Variants in CSMD3 observed in about 807,000 individuals in gnomAD.
CSMD3 encodes CUB and Sushi multiple domains 3.
In CSMD3, 177 loss-of-function variants were observed where a neutral mutation model predicts 435.2. The ratio of observed to expected loss-of-function variants is 0.41; its 90% CI spans 0.36 to 0.46. CSMD3 has a LOEUF of 0.46. Among genes scored for constraint, CSMD3 ranks in the 20% least tolerant of loss-of-function variants. The pLI is 0.34. For missense variants in CSMD3, 4,265 were observed against 4,504.6 expected (o/e 0.95, Z 1.52); for synonymous variants, 1,656 against 1,520.5 (o/e 1.09, Z -2.07).
rs149069933 is a variant in CSMD3, at chr8:112,965,395, T to C, written c.1342+10442A>G. On this transcript the variant is annotated intron_variant, in intron 7 of 70. Transcript: ENST00000297405. ...TACTCATTCTATTAAAAATGAGATA[T>C]AGTGTGTTAATATAAAAATAAGCTA... is the stretch of plus-strand genomic sequence containing the variant. Among the ~76,000 whole-genome samples, 59 of 152,018 alleles carry C rather than the reference T, an allele frequency of 3.9e-4. No homozygotes were observed. In the South Asian group the frequency reaches 6.6e-3, roughly 17 times the overall value.
intron 10 of CSMD3, among the ~76,000 whole-genome samples, chr8:112,904,918 A>T (rs2082215045): frequency 6.6e-6 from 1 of 151,452 alleles, no homozygotes. Context: ...TTGTTCTGCA[A>T]GTTGAGTCTG....
At chr8:112,316,681 A>G (rs186826838) in intron 47 of CSMD3, among the ~76,000 whole-genome samples, 350 of 151,952 alleles carry the variant, frequency 2.3e-3, no homozygotes, top group Non-Finnish European at 3.2e-3. Context: ...TTTTATCCCC[A>G]TTGTACATAT....
At chr8:112,941,892 A>G (rs1182317137) in intron 9 of CSMD3, among the ~76,000 whole-genome samples, 1 of 151,710 alleles carries the variant, frequency 6.6e-6, no homozygotes. Flanking sequence ...TTCTCCCATT[A>G]TTAATATTTT....
At chr8:112,889,519 A>G (rs2130309742) in intron 10 of CSMD3, among the ~76,000 whole-genome samples, 1 of 151,818 alleles carries the variant, frequency 6.6e-6, no homozygotes, top group South Asian at 2.1e-4. Flanking sequence ...AAGCTGCCCA[A>G]GTATTTCCAG....
chr8:112,728,330 T>C (rs1587098587), intron 13 of CSMD3, among the ~76,000 whole-genome samples: 2 of 151,980 alleles, frequency 1.3e-5, no homozygotes, highest in Admixed American at 1.3e-4. Context: ...GTAATTTATA[T>C]GCTTATAATT....
At chr8:112,465,801 C>G (rs913049807) in intron 32 of CSMD3, among the ~76,000 whole-genome samples, 1 of 151,910 alleles carries the variant, frequency 6.6e-6, no homozygotes, top group African/African-American at 2.4e-5. Context: ...ATGGTGAAAC[C>G]TCATCTCTAC....
intron 1 of CSMD3, among the ~76,000 whole-genome samples, chr8:113,343,487 C>G (rs1173997077): frequency 2.0e-5 from 3 of 151,968 alleles, no homozygotes; most frequent in Non-Finnish European, 4.4e-5. Flanking sequence ...ACTTGTAGTC[C>G]AGTGTCAAAC....
Position 112,722,551 on chromosome 8 carries a change from G to C in CSMD3, c.1973-32501C>G, listed in dbSNP as rs973333257. On this transcript the variant is annotated intron_variant, in intron 13 of 70. Coordinates refer to ENST00000297405, the MANE Select transcript of CSMD3 (RefSeq NM_198123.2). ...AATAAAGATGTGTTTCTGTGTGCAT[G>C]CACACGAGCCTGTGTGTGCGTTAGC... Among the ~76,000 whole-genome samples, 6 of 152,120 alleles carry C rather than the reference G, an allele frequency of 3.9e-5. No homozygotes were observed. The East Asian group carries it at 1.2e-3, about 29-fold the overall frequency.
intron 13 of CSMD3, among the ~76,000 whole-genome samples, chr8:112,786,740 CTTT>C (rs780390181): frequency 6.6e-6 from 1 of 151,942 alleles, no homozygotes; most frequent in African/African-American, 2.4e-5. Context: ...ATAAAAAAGA[CTTT>C]TTTTATTATT....
chr8:112,279,456 G>T (rs1320552936), intron 59 of CSMD3, among the ~76,000 whole-genome samples: 2 of 152,108 alleles, frequency 1.3e-5, no homozygotes, highest in African/African-American at 4.8e-5. Context: ...CGGACATTTT[G>T]AACCAATTAG....
chr8:112,932,573 G>A (rs2083146934), intron 9 of CSMD3, among the ~76,000 whole-genome samples: 1 of 152,066 alleles, frequency 6.6e-6, no homozygotes, highest in Non-Finnish European at 1.5e-5. Flanking sequence ...AGAAGGCGGA[G>A]CTCGCAGTGA....
intron 10 of CSMD3, among the ~76,000 whole-genome samples, chr8:112,896,237 C>T (rs890489978): frequency 6.6e-6 from 1 of 151,232 alleles, no homozygotes; most frequent in Non-Finnish European, 1.5e-5. Context: ...GTGTTCTGGC[C>T]ACAACTCTAA....
intron 22 of CSMD3, among the ~76,000 whole-genome samples, chr8:112,631,041 A>T (rs868343046): frequency 6.6e-6 from 1 of 152,040 alleles, no homozygotes; most frequent in South Asian, 2.1e-4. Flanking sequence ...TAATAAATAC[A>T]TTATGAGTTT....
At chr8:112,361,481 T>TTA (rs1437021841) in intron 38 of CSMD3, among the ~76,000 whole-genome samples, 1 of 150,340 alleles carries the variant, frequency 6.7e-6, no homozygotes, top group Non-Finnish European at 1.5e-5. Flanking sequence ...AATCAATCTG[T>TTA]ATCAGAAATG....
chr8:113,131,562 T>C (rs1312660836), intron 4 of CSMD3, among the ~76,000 whole-genome samples: 1 of 151,986 alleles, frequency 6.6e-6, no homozygotes, highest in East Asian at 1.9e-4. Context: ...ACAGGATGTA[T>C]GGAAACACCT....
intron 5 of CSMD3, among the ~76,000 whole-genome samples, chr8:113,076,635 A>C (rs2131430571): frequency 6.6e-6 from 1 of 152,230 alleles, no homozygotes; most frequent in South Asian, 2.1e-4. Flanking sequence ...TCTTCATAAA[A>C]ACATGACATT....
rs1479078483 is a variant in CSMD3, at chr8:112,784,890, GT to G, written c.1972+15271del. On this transcript the variant is annotated intron_variant, in intron 13 of 70. Coordinates refer to ENST00000297405, the MANE Select transcript of CSMD3 (RefSeq NM_198123.2). ...GTAGTCCAAAAAATAGAGGATGAGG[GT>G]ATATGTCCAAACTCATTCTACAAGG... Among the ~76,000 whole-genome samples the G allele has an allele frequency of 9.9e-5, 15 of 151,892 alleles. No homozygotes were observed. In the East Asian group the frequency reaches 2.7e-3, roughly 28 times the overall value.
intron 35 of CSMD3, among the ~76,000 whole-genome samples, chr8:112,401,747 T>G (rs1831361667): frequency 6.6e-6 from 1 of 152,140 alleles, no homozygotes; most frequent in African/African-American, 2.4e-5. Flanking sequence ...CAACACATTT[T>G]TCCTAAACTT....
intron 1 of CSMD3, among the ~76,000 whole-genome samples, chr8:113,424,588 T>TAA (rs537811484): frequency 6.9e-6 from 1 of 145,882 alleles, no homozygotes; most frequent in African/African-American, 2.5e-5. Context: ...GAGCAAACAT[T>TAA]AAAAAAAAAA....
Sources: gnomAD v4.1 joint callset for allele counts (sites outside exome capture counted in the v4.1 genomes callset) on GRCh38, gnomAD v4.1.1 for gene constraint, MANE v1.5 for transcripts, NCBI Gene and HGNC (gene_info 2026-07-23, HGNC 2026-07-21) for gene names.